Variants in DLGAP2 observed in about 807,000 individuals in gnomAD.
DLGAP2 encodes disks large-associated protein 2.
In DLGAP2, 26 loss-of-function variants were observed where a neutral mutation model predicts 100.3. The ratio of observed to expected loss-of-function variants is 0.26; its 90% CI spans 0.19 to 0.36. DLGAP2 has a LOEUF of 0.36. Among genes scored for constraint, DLGAP2 ranks in the 10% least tolerant of loss-of-function variants. The probability of loss-of-function intolerance (pLI) is 1.00; values close to 1 mark genes in which losing one functional copy is unlikely to be tolerated. For synonymous variants in DLGAP2, 886 were observed against 630.1 expected, an observed-to-expected ratio of 1.41 and a Z score of -6.08; for missense variants, 1,858 against 1,453.2, an observed-to-expected ratio of 1.28 and a Z score of -4.53.
chr8:1,083,499 C>T (rs1219018829), intron 2 of DLGAP2, among the ~76,000 whole-genome samples: 2 of 152,140 alleles, frequency 1.3e-5, no homozygotes, highest in African/African-American at 4.8e-5. Flanking sequence ...CAAATTTATG[C>T]TCTTGAGCAT....
chr8:1,090,149 C>T (rs1804126055), intron 2 of DLGAP2, among the ~76,000 whole-genome samples: 1 of 142,334 alleles, frequency 7.0e-6, no homozygotes, highest in African/African-American at 2.6e-5. Context: ...CGCTCTGGAG[C>T]CCTCCTGGCC....
chr8:750,105 C>T (rs1308477559), intron 1 of DLGAP2, among the ~76,000 whole-genome samples: 1 of 152,270 alleles, frequency 6.6e-6, no homozygotes, highest in African/African-American at 2.4e-5. Flanking sequence ...TCCAAGCACG[C>T]TCACATTCCT....
chr8:1,209,455 C>G (rs1390831636), intron 2 of DLGAP2, among the ~76,000 whole-genome samples: 1 of 152,152 alleles, frequency 6.6e-6, no homozygotes, highest in Non-Finnish European at 1.5e-5. Context: ...ATATGTAGTC[C>G]TAGATCTGTG....
chr8:874,809 GTATTAAAGTCTTCGGC>G lies in DLGAP2; in HGVS notation c.19-33098_19-33083del, dbSNP rs1797659888. ...TGATCTATCCATCATTAAGAGTGTG[GTATTAAAGTCTTCGGC>G]TATTGTTGAACTTGTGTCTTCATTT... On this transcript the variant is annotated intron_variant, in intron 1 of 14. Coordinates refer to ENST00000637795, the MANE Select transcript of DLGAP2 (RefSeq NM_001346810.2). 2.0e-5 allele frequency among the ~76,000 whole-genome samples: 3 copies of G among 152,134 alleles called. No homozygotes were observed. The South Asian group carries it at 6.2e-4, about 32-fold the overall frequency.
chr8:1,449,982 G>A (rs1207203281), intron 3 of DLGAP2, among the ~76,000 whole-genome samples: 24 of 56,382 alleles, frequency 4.3e-4, no homozygotes, highest in African/African-American at 6.7e-4. Context: ...CGGTGACTGA[G>A]GCGGAGCTGT....
rs1796435761 is a variant in DLGAP2, at chr8:814,873, A to AG, written c.18+77049dup. On this transcript the variant is annotated intron_variant, in intron 1 of 14. Coordinates refer to ENST00000637795, the MANE Select transcript of DLGAP2 (RefSeq NM_001346810.2). ...CTCAAAAAAAAAAAAAAAAAAAAAA[A>AG]GAAATACTATCAACATTATAGCCCT... Among the ~76,000 whole-genome samples the AG allele has an allele frequency of 3.4e-5, 5 of 147,806 alleles. 1 individual carries two copies. In the South Asian group the frequency reaches 8.7e-4, roughly 26 times the overall value.
chr8:808,040 G>A (rs1796301120), intron 1 of DLGAP2, among the ~76,000 whole-genome samples: 1 of 152,162 alleles, frequency 6.6e-6, no homozygotes, highest in African/African-American at 2.4e-5. Context: ...GTGAAGTCCC[G>A]GCTTTGCTTC....
intron 2 of DLGAP2, among the ~76,000 whole-genome samples, chr8:973,974 G>T (rs1314746563): frequency 2.0e-5 from 3 of 151,732 alleles, no homozygotes; most frequent in Admixed American, 1.3e-4. Flanking sequence ...CCACTCGGTC[G>T]CCAGAAAAGA....
At chr8:771,177 T>G (rs1821348021) in intron 1 of DLGAP2, among the ~76,000 whole-genome samples, 1 of 152,208 alleles carries the variant, frequency 6.6e-6, no homozygotes, top group Non-Finnish European at 1.5e-5. Flanking sequence ...CCATAAACTC[T>G]AAACACTTAA....
chr8:1,696,734 G>A (rs970880805), intron 13 of DLGAP2, among the ~76,000 whole-genome samples: 3 of 152,178 alleles, frequency 2.0e-5, no homozygotes, highest in Non-Finnish European at 4.4e-5. Context: ...AGAACAAGCA[G>A]GTATAGAATG....
intron 2 of DLGAP2, among the ~76,000 whole-genome samples, chr8:920,169 A>G (rs1289400616): frequency 6.6e-6 from 1 of 152,232 alleles, no homozygotes; most frequent in South Asian, 2.1e-4. Context: ...GTGACCACGC[A>G]TGTCATCCAA....
At chr8:1,452,925 C>G (rs1352235718) in intron 3 of DLGAP2, among the ~76,000 whole-genome samples, 1 of 152,146 alleles carries the variant, frequency 6.6e-6, no homozygotes, top group African/African-American at 2.4e-5. Flanking sequence ...GAGCCCCCAC[C>G]ATGCAGTGGA....
chr8:757,558 C>T (rs556939689), intron 1 of DLGAP2, among the ~76,000 whole-genome samples: 265 of 152,258 alleles, frequency 1.7e-3, no homozygotes, highest in Non-Finnish European at 3.3e-3. Flanking sequence ...CATTTGGACC[C>T]GGCCATACCC....
chr8:1,152,728 C>G (rs967409260), intron 2 of DLGAP2, among the ~76,000 whole-genome samples: 7 of 152,186 alleles, frequency 4.6e-5, no homozygotes, highest in Non-Finnish European at 8.8e-5. Context: ...AACATGCTTG[C>G]TTAGAATCAG....
chr8:743,086 T>C (rs1275775009), intron 1 of DLGAP2, among the ~76,000 whole-genome samples: 1 of 152,228 alleles, frequency 6.6e-6, no homozygotes, highest in Non-Finnish European at 1.5e-5. Context: ...CTGGTCTTGT[T>C]TTACTTTTTT....
At chr8:762,558 C>A (rs540959680) in intron 1 of DLGAP2, among the ~76,000 whole-genome samples, 2 of 152,210 alleles carry the variant, frequency 1.3e-5, no homozygotes, top group South Asian at 4.1e-4. Flanking sequence ...AGGGGTCACC[C>A]CCTGCTTTGC....
At chr8:1,540,720 G>A (rs1801333871) in intron 4 of DLGAP2, among the ~76,000 whole-genome samples, 1 of 152,216 alleles carries the variant, frequency 6.6e-6, no homozygotes, top group African/African-American at 2.4e-5. Context: ...CCCAGCGTGG[G>A]CGGCCGTGAC....
At chr8:774,407 A>G (rs1422985291) in intron 1 of DLGAP2, among the ~76,000 whole-genome samples, 1 of 152,164 alleles carries the variant, frequency 6.6e-6, no homozygotes, top group African/African-American at 2.4e-5. Flanking sequence ...GGCGTTTTAG[A>G]CATGAAGTCC....
chr8:940,640 A>G (rs1799174424), intron 2 of DLGAP2, among the ~76,000 whole-genome samples: 1 of 152,134 alleles, frequency 6.6e-6, no homozygotes, highest in Non-Finnish European at 1.5e-5. Flanking sequence ...AGGGGGAAGG[A>G]AAGGTTTTCA....
Sources: allele counts gnomAD v4.1 joint callset (sites outside exome capture counted in the v4.1 genomes callset), GRCh38; gene constraint gnomAD v4.1.1; transcripts MANE v1.5; gene names NCBI Gene and HGNC (gene_info 2026-07-23, HGNC 2026-07-21).